Variants in THSD7B observed in about 807,000 individuals in gnomAD.
The protein encoded by THSD7B is thrombospondin type 1 domain containing 7B, also known as thrombospondin type-1 domain-containing protein 7B.
Under a neutral mutation model 213.6 loss-of-function variants are expected in THSD7B, and 138 were observed. The ratio of observed to expected loss-of-function variants is 0.65; its 90% CI spans 0.56 to 0.74. The LOEUF is 0.74. THSD7B is among the 30% of genes least tolerant of loss of function. The probability of loss-of-function intolerance (pLI) is 0.00; values close to 1 mark genes in which losing one functional copy is unlikely to be tolerated. For synonymous variants in THSD7B, 742 were observed against 687.0 expected (o/e 1.08, Z -1.25); for missense variants, 1,931 against 1,991.5 (o/e 0.97, Z 0.58).
intron 2 of THSD7B, among the ~76,000 whole-genome samples, chr2:136,895,560 C>T (rs1683944533): frequency 9.4e-6 from 1 of 105,988 alleles, no homozygotes; most frequent in Admixed American, 1.4e-4. Context: ...CATGCTATTA[C>T]AATACTAGTA....
intron 2 of THSD7B, among the ~76,000 whole-genome samples, chr2:136,977,748 C>T (rs1685503234): frequency 2.0e-5 from 3 of 150,472 alleles, no homozygotes; most frequent in African/African-American, 7.3e-5. Flanking sequence ...GTAGGTTTTT[C>T]AATTTCCATG....
chr2:137,585,453 C>T (rs928842692), intron 17 of THSD7B, among the ~76,000 whole-genome samples: 5 of 151,992 alleles, frequency 3.3e-5, no homozygotes, highest in African/African-American at 4.8e-5. Flanking sequence ...TTAGATCTTT[C>T]CTGCTTTCTC....
chr2:136,784,406 A>T (rs1328336968), intron 1 of THSD7B, among the ~76,000 whole-genome samples: 1 of 149,818 alleles, frequency 6.7e-6, no homozygotes, highest in African/African-American at 2.4e-5. Flanking sequence ...CTAGGCACAG[A>T]TTTTTTTTTT....
At chr2:137,377,676 G>T (rs1453023602) in intron 12 of THSD7B, among the ~76,000 whole-genome samples, 1 of 151,728 alleles carries the variant, frequency 6.6e-6, no homozygotes, top group Non-Finnish European at 1.5e-5. Context: ...ACCCAGGCTG[G>T]AGTATAGTGG....
At chr2:137,165,773 A>T (rs1346306655) in intron 6 of THSD7B, among the ~76,000 whole-genome samples, 1 of 151,948 alleles carries the variant, frequency 6.6e-6, no homozygotes, top group Non-Finnish European at 1.5e-5. Flanking sequence ...ACACACACAC[A>T]CACACACACA....
intron 2 of THSD7B, among the ~76,000 whole-genome samples, chr2:136,932,476 A>T (rs1427622782): frequency 3.5e-5 from 2 of 57,186 alleles, no homozygotes; most frequent in East Asian, 2.2e-4. Flanking sequence ...TTTGAAACTT[A>T]ACTAATAGGC....
intron 2 of THSD7B, among the ~76,000 whole-genome samples, chr2:136,893,656 T>C (rs770715982): frequency 2.0e-5 from 3 of 152,160 alleles, no homozygotes; most frequent in Non-Finnish European, 4.4e-5. Flanking sequence ...ACAGTCAATT[T>C]TTATTGGAAT....
intron 12 of THSD7B, among the ~76,000 whole-genome samples, chr2:137,322,768 C>A (rs924114914): frequency 6.6e-6 from 1 of 152,112 alleles, no homozygotes. Flanking sequence ...TCAATATGTG[C>A]CGTAGAATAC....
At chr2:137,242,610 A>G (rs1681937883) in intron 10 of THSD7B, 38 bp downstream of exon 10, 1 of 1,494,144 alleles carries the variant, frequency 6.7e-7, no homozygotes, top group South Asian at 1.1e-5. Context: ...TTCTTCCCTA[A>G]CCTGATTGTT....
At chr2:136,854,933 T>G (rs1430081684) in intron 1 of THSD7B, among the ~76,000 whole-genome samples, 3 of 152,146 alleles carry the variant, frequency 2.0e-5, no homozygotes, top group Non-Finnish European at 4.4e-5. Context: ...GGGGTTTTAT[T>G]CTTTTTAAAT....
At chr2:137,217,649 C>G (rs1681279009) in intron 7 of THSD7B, among the ~76,000 whole-genome samples, 1 of 152,106 alleles carries the variant, frequency 6.6e-6, no homozygotes, top group Admixed American at 6.6e-5. Context: ...CATTTCTAGT[C>G]ATTTAAAAAT....
At chr2:137,633,435 G>T (rs566819308) in intron 20 of THSD7B, among the ~76,000 whole-genome samples, 1 of 152,198 alleles carries the variant, frequency 6.6e-6, no homozygotes, top group East Asian at 1.9e-4. Context: ...CAAATTTATT[G>T]CAAAAGGTAG....
intron 15 of THSD7B, among the ~76,000 whole-genome samples, chr2:137,489,281 C>T (rs1024786791): frequency 8.6e-5 from 13 of 151,722 alleles, no homozygotes; most frequent in Non-Finnish European, 1.2e-4. Context: ...AAAAATTAGC[C>T]GGGCGTGGTG....
intron 2 of THSD7B, among the ~76,000 whole-genome samples, chr2:136,891,350 T>G (rs1411763585): frequency 6.6e-6 from 1 of 152,206 alleles, no homozygotes; most frequent in African/African-American, 2.4e-5. Context: ...CAACATTCCA[T>G]GTACATGACT....
At chr2:137,667,390 T>C (rs1683470525) in intron 26 of THSD7B, among the ~76,000 whole-genome samples, 1 of 152,188 alleles carries the variant, frequency 6.6e-6, no homozygotes. Context: ...TTTGGTGCCA[T>C]GAAGTTACAA....
At chr2:137,261,193 C>T (rs1006645631) in intron 10 of THSD7B, among the ~76,000 whole-genome samples, 8 of 151,934 alleles carry the variant, frequency 5.3e-5, no homozygotes, top group South Asian at 2.1e-4. Flanking sequence ...CAACAGGATG[C>T]GACAGAGTTC....
At chr2:137,582,345 T>G (rs528812584) in intron 17 of THSD7B, among the ~76,000 whole-genome samples, 1 of 152,278 alleles carries the variant, frequency 6.6e-6, no homozygotes, top group South Asian at 2.1e-4. Context: ...TTATTTGACT[T>G]TTTTATTATT....
chr2:136,789,947 C>T (rs1681932551), intron 1 of THSD7B, among the ~76,000 whole-genome samples: 1 of 152,030 alleles, frequency 6.6e-6, no homozygotes, highest in Admixed American at 6.6e-5. Context: ...AAGATGGAGC[C>T]CTCTGTAGAC....
chr2:136,933,600 GA>G (rs554860447), intron 2 of THSD7B, among the ~76,000 whole-genome samples: 156 of 152,008 alleles, frequency 1.0e-3, no homozygotes, highest in African/African-American at 3.6e-3. Flanking sequence ...AACAACAAAA[GA>G]AAATTCTTAG....
Sources: gnomAD v4.1 joint callset for allele counts (sites outside exome capture counted in the v4.1 genomes callset) on GRCh38, gnomAD v4.1.1 for gene constraint, MANE v1.5 for transcripts, NCBI Gene and HGNC (gene_info 2026-07-23, HGNC 2026-07-21) for gene names.